The following NRXN3 variants were observed in gnomAD, a reference collection of about 807,000 sequenced individuals.
The protein encoded by NRXN3 is neurexin III.
In NRXN3, 32 loss-of-function variants were observed where a neutral mutation model predicts 137.6. That is an observed-to-expected ratio of 0.23 (90% CI 0.18 to 0.31). The LOEUF (loss-of-function observed/expected upper bound fraction) is 0.31, where lower values mean the gene tolerates loss of function less well. Among genes scored for constraint, NRXN3 ranks in the 10% least tolerant of loss-of-function variants. NRXN3 has a pLI of 1.00. For synonymous variants in NRXN3, 798 were observed against 784.5 expected (o/e 1.02, Z -0.29); for missense variants, 1,574 against 2,062.5 (o/e 0.76, Z 4.59).
At chr14:78,906,112 C>T (rs76189998) in intron 10 of NRXN3, among the ~76,000 whole-genome samples, 8,973 of 152,016 alleles carry the variant, frequency 0.059, 404 homozygotes, top group Admixed American at 0.083. Context: ...AGTTGATTAT[C>T]GCACAATCAT....
At position 79,862,018 on chromosome 14, in the gene NRXN3, A is replaced by G. The variant is rs1224750129; in HGVS notation, c.*54A>G. 2 of 1,403,326 alleles carry G rather than the reference A, an allele frequency of 1.4e-6. No homozygotes were observed. The highest frequency in any genetic ancestry group is 2.4e-5 in the East Asian group (1 of 41,476). 86.9% of individuals were successfully genotyped at this position (1,403,326 alleles called of 1,614,324 possible). A position where few individuals can be genotyped will look rare whatever the true frequency, so the allele number is the denominator to read the frequency against. On this transcript the variant is annotated 3_prime_UTR_variant, in exon 21 of 21. Transcript: ENST00000335750. ...TTCACAGTTATTTCTATCCACGCCT[A>G]TGAATCTTTGGACGGTGAGATCTCA...
rs2097805889 is a variant in NRXN3, at chr14:79,591,827, C to A, written c.3445-71951C>A. On this transcript the variant is annotated intron_variant, in intron 16 of 20. Transcript: ENST00000335750. ...CTGTAGAAATTAACTATTTTTGCTT[C>A]ACAGTCATTTCATGATAGACCCGAT... 2.0e-5 allele frequency among the ~76,000 whole-genome samples: 3 copies of A among 152,136 alleles called. No individual in the cohort carries two copies. In the South Asian group the frequency reaches 6.2e-4, roughly 31 times the overall value.
In NRXN3 at chr14:79,653,937, A is replaced by G. The variant is rs145352248; in HGVS notation, c.3445-9841A>G. Among the ~76,000 whole-genome samples the G allele has an allele frequency of 5.1e-4, 77 of 152,276 alleles. 1 individual carries two copies. The highest frequency in any genetic ancestry group is 3.4e-3 in the Middle Eastern group (1 of 294). On this transcript the variant is annotated intron_variant, in intron 16 of 20. Transcript: ENST00000335750. ...ATCCACCTGTGCACGTACTGCACCT[A>G]AGGGACCTTGGAAAGTACCCCACTC...
intron 10 of NRXN3, among the ~76,000 whole-genome samples, chr14:78,862,431 G>A (rs372369552): frequency 1.3e-5 from 2 of 151,934 alleles, no homozygotes; most frequent in African/African-American, 4.8e-5. Flanking sequence ...TTAGCTTAAG[G>A]TTAGTAAAAT....
At chr14:79,223,024 G>A (rs920574064) in intron 15 of NRXN3, among the ~76,000 whole-genome samples, 40 of 152,060 alleles carry the variant, frequency 2.6e-4, no homozygotes, top group Admixed American at 3.3e-4. Flanking sequence ...AGACAACAAT[G>A]AAATAACCAA....
At chr14:78,581,717 GA>G (rs746071357) in intron 4 of NRXN3, among the ~76,000 whole-genome samples, 2 of 152,138 alleles carry the variant, frequency 1.3e-5, no homozygotes, top group Non-Finnish European at 2.9e-5. Flanking sequence ...TGCTCTCTAA[GA>G]CTGCAGTGAT....
At chr14:78,252,916 G>C (rs947068792) in intron 2 of NRXN3, among the ~76,000 whole-genome samples, 7 of 152,340 alleles carry the variant, frequency 4.6e-5, no homozygotes, top group Admixed American at 2.0e-4. Flanking sequence ...CATGGGGAAA[G>C]GGCTGGACAG....
chr14:79,744,991 T>A (rs1014813812), intron 19 of NRXN3, among the ~76,000 whole-genome samples: 2 of 143,730 alleles, frequency 1.4e-5, no homozygotes, highest in East Asian at 2.1e-4. Context: ...CCAGTTTAAG[T>A]CAAAAGTTGA....
At chr14:79,421,672 A>G (rs1417801413) in intron 15 of NRXN3, among the ~76,000 whole-genome samples, 2 of 152,314 alleles carry the variant, frequency 1.3e-5, no homozygotes, top group East Asian at 1.9e-4. Flanking sequence ...AGAGTTGCCT[A>G]ACAAAACCCA....
At chr14:78,819,869 C>T (rs1352481270) in intron 10 of NRXN3, among the ~76,000 whole-genome samples, 1 of 152,008 alleles carries the variant, frequency 6.6e-6, no homozygotes, top group Non-Finnish European at 1.5e-5. Context: ...TAGGATAGGC[C>T]AAATAAGGCA....
In NRXN3 at chr14:79,637,729, C is replaced by CTTT. The variant is rs554654576; in HGVS notation, c.3445-26033_3445-26031dup. 1.1e-3 allele frequency among the ~76,000 whole-genome samples: 107 copies of CTTT among 95,596 alleles called. 19 individuals are homozygous for CTTT. Among genetic ancestry groups the CTTT allele is most frequent in the African/African-American group, 4.9e-3 (90 of 18,388 alleles). The allele number at this position is 95,596 out of a possible 152,430, so 62.7% of individuals were successfully genotyped here. A position where few individuals can be genotyped will look rare whatever the true frequency, so the allele number is the denominator to read the frequency against. On this transcript the variant is annotated intron_variant, in intron 16 of 20. Transcript: ENST00000335750. ...AACTGATGTAAGATATAGAAAAGTT[C>CTTT]TTTTTTTTTTTTTTTTTTGAGATGG...
At chr14:78,725,121 G>A (rs567010664) in intron 8 of NRXN3, among the ~76,000 whole-genome samples, 4 of 152,266 alleles carry the variant, frequency 2.6e-5, no homozygotes, top group Non-Finnish European at 5.9e-5. Flanking sequence ...AAATCTGTGC[G>A]ATTAGCATGT....
intron 19 of NRXN3, among the ~76,000 whole-genome samples, chr14:79,726,237 C>G (rs1474229979): frequency 6.6e-6 from 1 of 152,128 alleles, no homozygotes; most frequent in East Asian, 1.9e-4. Flanking sequence ...AGGGCTCTAG[C>G]AAGGATTTGC....
rs572970678 is a variant in NRXN3, at chr14:79,656,093, G to A, written c.3445-7685G>A. Among the ~76,000 whole-genome samples the A allele has an allele frequency of 3.2e-4, 48 of 152,316 alleles. No individual in the cohort carries two copies. In the South Asian group the frequency reaches 3.9e-3, roughly 12 times the overall value. ...TGTAAGATGTTCTGGAAAAATTCCAGATGAGTTAAAATGTGTTTCCTCATT... is the reference window on the plus strand; with the variant it reads ...TGTAAGATGTTCTGGAAAAATTCCAAATGAGTTAAAATGTGTTTCCTCATT... On this transcript the variant is annotated intron_variant, in intron 16 of 20. Coordinates refer to ENST00000335750, the MANE Select transcript of NRXN3 (RefSeq NM_001330195.2).
chr14:79,458,500 T>G (rs2096285130), intron 15 of NRXN3, among the ~76,000 whole-genome samples: 1 of 152,162 alleles, frequency 6.6e-6, no homozygotes, highest in Non-Finnish European at 1.5e-5. Context: ...TATGTAAGCA[T>G]AGGTAAGCCA....
chr14:79,122,069 C>T (rs1274724031), intron 15 of NRXN3, among the ~76,000 whole-genome samples: 1 of 152,180 alleles, frequency 6.6e-6, no homozygotes, highest in African/African-American at 2.4e-5. Flanking sequence ...ACTTATTCCA[C>T]TGCGGCTCTT....
intron 4 of NRXN3, among the ~76,000 whole-genome samples, chr14:78,463,542 C>T (rs189007079): frequency 1.3e-5 from 2 of 150,302 alleles, no homozygotes; most frequent in Admixed American, 6.6e-5. Context: ...TTCCTCCATA[C>T]CTTGTTGTTT....
intron 8 of NRXN3, among the ~76,000 whole-genome samples, chr14:78,783,306 A>G (rs889790715): frequency 6.6e-6 from 1 of 152,144 alleles, no homozygotes; most frequent in African/African-American, 2.4e-5. Context: ...CAATCCTGAA[A>G]AAACACTGGA....
intron 4 of NRXN3, among the ~76,000 whole-genome samples, chr14:78,498,324 G>A (rs2095822570): frequency 6.6e-6 from 1 of 152,140 alleles, no homozygotes; most frequent in Non-Finnish European, 1.5e-5. Context: ...CATTTGAAGG[G>A]ATTTCTTACT....
Sources: gnomAD v4.1 joint callset for allele counts (sites outside exome capture counted in the v4.1 genomes callset) on GRCh38, gnomAD v4.1.1 for gene constraint, MANE v1.5 for transcripts, NCBI Gene and HGNC (gene_info 2026-07-23, HGNC 2026-07-21) for gene names.